The following DMD variants were observed in gnomAD, a reference collection of about 807,000 sequenced individuals.
DMD encodes dystrophin, also known as mutant dystrophin.
Under a neutral mutation model 330.1 loss-of-function variants are expected in DMD, and 63 were observed. That is an observed-to-expected ratio of 0.19 (90% CI 0.16 to 0.24). The LOEUF (loss-of-function observed/expected upper bound fraction) is 0.24. Ranked by LOEUF, DMD falls within the 10% of genes least tolerant of loss-of-function variation. The probability of loss-of-function intolerance (pLI) is 1.00; values close to 1 mark genes in which losing one functional copy is unlikely to be tolerated. For missense variants in DMD, 3,344 were observed against 2,684.1 expected (o/e 1.25, Z -5.43); for synonymous variants, 1,223 against 959.8 (o/e 1.27, Z -5.07).
At chrX:31,260,298 G>A (rs1336564426) in intron 63 of DMD, among the ~76,000 whole-genome samples, 1 of 112,012 alleles carries the variant, frequency 8.9e-6, no homozygotes, top group East Asian at 2.8e-4. Flanking sequence ...AATATTCCTT[G>A]TAGATCTAAA....
intron 1 of DMD, among the ~76,000 whole-genome samples, chrX:33,281,751 C>T (rs2053336253): frequency 9.2e-6 from 1 of 108,141 alleles, no homozygotes; most frequent in African/African-American, 3.4e-5. Flanking sequence ...TGCCATTCTA[C>T]TTTTATGGGC....
chrX:32,632,732 C>G (rs556229683), intron 11 of DMD, among the ~76,000 whole-genome samples: 11,720 of 37,784 alleles, frequency 0.31, 769 homozygotes, highest in African/African-American at 0.36. Context: ...ACGCTGGGTG[C>G]GGGGGGGAGG....
rs144088211 is a variant in DMD, at chrX:31,174,848, A to G, written c.10263-1244T>C. Among the ~76,000 whole-genome samples the G allele has an allele frequency of 8.9e-5, 10 of 112,154 alleles. No homozygotes were observed. In the Middle Eastern group the frequency reaches 0.023, roughly 257 times the overall value. On this transcript the variant is annotated intron_variant, in intron 71 of 78. Transcript: ENST00000357033. ...TATAGCAAATAACTAGGGAAATGGAATTCTTCCCTGAGAGAGAAAGGTCTT... is the reference window on the plus strand; with the variant it reads ...TATAGCAAATAACTAGGGAAATGGAGTTCTTCCCTGAGAGAGAAAGGTCTT...
intron 1 of DMD, among the ~76,000 whole-genome samples, chrX:33,259,166 CTTTG>C (rs1180308286): frequency 3.6e-5 from 4 of 110,371 alleles, no homozygotes; most frequent in Non-Finnish European, 5.7e-5. Flanking sequence ...TAAAAATAGA[CTTTG>C]TTTTTTAGAG....
chrX:32,537,546 G>A (rs2048101255), intron 17 of DMD, among the ~76,000 whole-genome samples: 1 of 110,720 alleles, frequency 9.0e-6, no homozygotes, highest in Non-Finnish European at 1.9e-5. Context: ...CAAGACAAAG[G>A]TCAAAAAGGG....
chrX:32,122,446 CAG>C (rs769737085), intron 44 of DMD, among the ~76,000 whole-genome samples: 2 of 112,104 alleles, frequency 1.8e-5, no homozygotes, highest in Admixed American at 1.9e-4. Flanking sequence ...TCTTCACACA[CAG>C]ACACTGATTC....
intron 50 of DMD, among the ~76,000 whole-genome samples, chrX:31,819,360 T>C (rs2092703980): frequency 8.9e-6 from 1 of 112,549 alleles, no homozygotes; most frequent in Admixed American, 9.4e-5. Context: ...TGTTTGCAAA[T>C]GGGACAGGGA....
Position 32,348,515 on chromosome X carries a change from A to G in DMD, c.5339T>C (p.Leu1780Ser), listed in dbSNP as rs966393024. 2.5e-6 allele frequency: 3 copies of G among 1,202,860 alleles called. No individual in the cohort carries two copies. Among genetic ancestry groups the G allele is most frequent in the Non-Finnish European group, 3.4e-6 (3 of 890,513 alleles). ...RIKTGKASIP[L>S]KELEQFNSDI... The stretch of plus-strand genomic sequence containing the variant: ...TGAGTTAAACTGCTCCAATTCCTTC[A>G]AAGGAATGGAGGCCTAAAAAAAAAG... The change falls in exon 38 of 79, where the codon TTG becomes TCG. Residue 1780 changes from leucine to serine, a missense_variant. Leu to Ser is a moderately radical substitution (Grantham distance 145). Transcript: ENST00000357033.
chrX:32,082,569 G>T (rs1206412130), intron 44 of DMD, among the ~76,000 whole-genome samples: 2 of 111,526 alleles, frequency 1.8e-5, no homozygotes, highest in Admixed American at 1.9e-4. Flanking sequence ...ATTTCCTTTT[G>T]TTATTTCCAC....
chrX:31,688,287 A>G (rs1422116666), intron 52 of DMD, among the ~76,000 whole-genome samples: 1 of 111,215 alleles, frequency 9.0e-6, no homozygotes, highest in Non-Finnish European at 1.9e-5. Flanking sequence ...TAAAGGGGAT[A>G]TCACCACCGA....
At chrX:32,895,140 T>A (rs1017724455) in intron 2 of DMD, among the ~76,000 whole-genome samples, 10 of 112,036 alleles carry the variant, frequency 8.9e-5, no homozygotes, top group African/African-American at 9.7e-5. Context: ...GTGCTTATCT[T>A]ACCCTAATTA....
chrX:32,776,286 C>CCT (rs2074136986), intron 7 of DMD, among the ~76,000 whole-genome samples: 1 of 108,413 alleles, frequency 9.2e-6, no homozygotes, highest in South Asian at 4.3e-4. Flanking sequence ...CTTCTGACCC[C>CCT]CCCCCCAAAT....
intron 54 of DMD, among the ~76,000 whole-genome samples, chrX:31,647,568 A>G: frequency 8.9e-6 from 1 of 112,323 alleles, no homozygotes; most frequent in East Asian, 2.8e-4. Context: ...TTTCGTTTAC[A>G]CATTTTAAAA....
chrX:32,415,425 C>T (rs2098162524), intron 29 of DMD, among the ~76,000 whole-genome samples: 1 of 111,714 alleles, frequency 9.0e-6, no homozygotes, highest in Non-Finnish European at 1.9e-5. Flanking sequence ...CATGTCAATG[C>T]AAGCTTGCAG....
chrX:33,009,551 T>C (rs1330911055), intron 2 of DMD, among the ~76,000 whole-genome samples: 6 of 67,605 alleles, frequency 8.9e-5, no homozygotes, highest in Admixed American at 8.8e-4. Context: ...TATACACATA[T>C]GTGTGTATGT....
intron 60 of DMD, among the ~76,000 whole-genome samples, chrX:31,362,680 C>G (rs2059002835): frequency 1.8e-5 from 2 of 113,166 alleles, no homozygotes; most frequent in Non-Finnish European, 1.9e-5. Flanking sequence ...TGCGGTGGCT[C>G]AGGCCTGTAA....
At chrX:32,231,667 T>G (rs1440036289) in intron 43 of DMD, among the ~76,000 whole-genome samples, 1 of 111,870 alleles carries the variant, frequency 8.9e-6, no homozygotes, top group African/African-American at 3.2e-5. Flanking sequence ...TTTCTCTATT[T>G]TCTCTCACTG....
At chrX:31,441,498 G>A (rs190562815) in intron 60 of DMD, among the ~76,000 whole-genome samples, 2 of 112,613 alleles carry the variant, frequency 1.8e-5, no homozygotes, top group Non-Finnish European at 3.8e-5. Flanking sequence ...TGCCCAGAGA[G>A]TTCTTTACTT....
intron 44 of DMD, among the ~76,000 whole-genome samples, chrX:32,161,527 C>T (rs1002571381): frequency 2.2e-4 from 24 of 111,511 alleles, no homozygotes; most frequent in African/African-American, 7.5e-4. Flanking sequence ...TAGAATTACT[C>T]GGAGGATTAA....
Sources: gnomAD v4.1 joint callset for allele counts (sites outside exome capture counted in the v4.1 genomes callset) on GRCh38, gnomAD v4.1.1 for gene constraint, MANE v1.5 for transcripts, NCBI Gene and HGNC (gene_info 2026-07-23, HGNC 2026-07-21) for gene names.